The following SIDT1 variants were observed in gnomAD, a reference collection of about 807,000 sequenced individuals.
The protein encoded by SIDT1 is SID1 transmembrane family member 1, also known as SID1 transmembrane family, member 1.
Under a neutral mutation model 107.5 loss-of-function variants are expected in SIDT1, and 101 were observed. The observed-to-expected ratio is 0.94, with a 90% CI of 0.80 to 1.11. SIDT1 has a LOEUF of 1.11. SIDT1 is among the 50% of genes least tolerant of loss of function. The probability of loss-of-function intolerance (pLI) is 0.00; values close to 1 mark genes in which losing one functional copy is unlikely to be tolerated. For synonymous variants in SIDT1, 395 were observed against 398.2 expected (o/e 0.99, Z 0.10); for missense variants, 1,076 against 1,058.2 (o/e 1.02, Z -0.23).
At chr3:113,594,642 C>T (rs1307997723) in intron 10 of SIDT1, among the ~76,000 whole-genome samples, 1 of 152,058 alleles carries the variant, frequency 6.6e-6, no homozygotes, top group East Asian at 1.9e-4. Context: ...GATCATTGTC[C>T]AGGTTCAGGG....
chr3:113,536,145 T>G (rs1443117978), intron 1 of SIDT1, among the ~76,000 whole-genome samples: 1 of 152,190 alleles, frequency 6.6e-6, no homozygotes, highest in Non-Finnish European at 1.5e-5. Flanking sequence ...CAGGCGCTGG[T>G]TTGTCACTAT....
chr3:113,585,201 T>G lies in SIDT1; in HGVS notation c.932T>G (p.Leu311Arg). 1 of 1,613,666 alleles carries G rather than the reference T, an allele frequency of 6.2e-7. No homozygotes were observed. The highest frequency in any genetic ancestry group is 1.3e-5 in the African/African-American group (1 of 75,004). Residue 311 changes from leucine to arginine, a missense_variant, in exon 9 of 25, where the codon CTT (leucine) becomes CGT (arginine). Physicochemically the swap from Leu to Arg is moderately radical, Grantham distance 102 (BLOSUM62 -2). Coordinates refer to ENST00000264852, the MANE Select transcript of SIDT1 (RefSeq NM_017699.3). ...GAATCTGTTTATGTGAAATCCAGTC[T>G]TTTCAGTGTCTTCATCTTCCTGTCC... is the stretch of plus-strand genomic sequence containing the variant. ...IKESVYVKSSLFSVFIFLSFY... is the reference protein window; with the variant it reads ...IKESVYVKSSRFSVFIFLSFY...
intron 9 of SIDT1, among the ~76,000 whole-genome samples, chr3:113,585,762 G>A (rs563075401): frequency 6.6e-6 from 1 of 152,274 alleles, no homozygotes; most frequent in South Asian, 2.1e-4. Flanking sequence ...TTTTCCTTCT[G>A]TTGTAGCATC....
At chr3:113,533,927 T>C (rs1402441405) in intron 1 of SIDT1, among the ~76,000 whole-genome samples, 1 of 152,160 alleles carries the variant, frequency 6.6e-6, no homozygotes, top group Non-Finnish European at 1.5e-5. Context: ...TTGACAAAAG[T>C]TGAGGGAAGA....
chr3:113,611,182 G>C (rs1345577957), intron 18 of SIDT1, 38 bp downstream of exon 18: 1 of 1,606,930 alleles, frequency 6.2e-7, no homozygotes, highest in Non-Finnish European at 8.5e-7. Context: ...CTCTCGAAAA[G>C]TGCCCCCCTA....
chr3:113,550,715 A>C (rs999676568), intron 1 of SIDT1, among the ~76,000 whole-genome samples: 10 of 152,100 alleles, frequency 6.6e-5, no homozygotes, highest in African/African-American at 2.4e-4. Flanking sequence ...CCTTTAAAAA[A>C]ATTTTTTTAA....
intron 10 of SIDT1, among the ~76,000 whole-genome samples, chr3:113,595,754 G>A (rs1944502307): frequency 6.6e-6 from 1 of 152,112 alleles, no homozygotes; most frequent in Non-Finnish European, 1.5e-5. Context: ...TCTTGAAATA[G>A]GAAGAAAATA....
chr3:113,625,556 ATC>A (rs1946795361), intron 23 of SIDT1, among the ~76,000 whole-genome samples: 1 of 152,182 alleles, frequency 6.6e-6, no homozygotes, highest in Non-Finnish European at 1.5e-5. Context: ...CCTCGCCAGC[ATC>A]TGTTATTGCC....
rs1193266595 is a variant in SIDT1 at position 113,608,152 on chromosome 3, C to T, written c.1537C>T (p.Leu513=). 6.2e-7 allele frequency: 1 copy of T among 1,612,820 alleles called. No individual in the cohort carries two copies. The highest frequency in any genetic ancestry group is 2.2e-5 in the East Asian group (1 of 44,866). ...CGTGCTTCTGGGCTTCCTCTTCCTG[C>T]TGATAGTCTTGCGCCGCGACATCCT... ...GHVLLGFLFL[L]IVLRRDILHR... Residue 513 remains leucine (L), a synonymous_variant, in exon 16 of 25, where the codon CTG becomes TTG. Coordinates refer to ENST00000264852, the MANE Select transcript of SIDT1 (RefSeq NM_017699.3).
At chr3:113,607,679 C>A (rs1290766389) in intron 15 of SIDT1, among the ~76,000 whole-genome samples, 1 of 152,230 alleles carries the variant, frequency 6.6e-6, no homozygotes, top group Non-Finnish European at 1.5e-5. Context: ...CTATGATTGG[C>A]TGACACTTAC....
chr3:113,591,272 T>C (rs1013614836), intron 9 of SIDT1, among the ~76,000 whole-genome samples: 4 of 152,226 alleles, frequency 2.6e-5, no homozygotes, highest in Non-Finnish European at 5.9e-5. Context: ...CTCCCAGAAC[T>C]GTAAGATAAT....
intron 1 of SIDT1, among the ~76,000 whole-genome samples, chr3:113,547,107 T>C (rs1215990412): frequency 6.6e-6 from 1 of 152,156 alleles, no homozygotes; most frequent in Non-Finnish European, 1.5e-5. Context: ...GAAGAGCTGA[T>C]TTTGAATGTT....
chr3:113,608,949 C>T (rs1284036734), intron 17 of SIDT1, among the ~76,000 whole-genome samples: 1 of 151,920 alleles, frequency 6.6e-6, no homozygotes, highest in East Asian at 1.9e-4. Context: ...GAGGAGGCGG[C>T]AAGCTGGGTT....
At chr3:113,538,117 A>G (rs1938399651) in intron 1 of SIDT1, among the ~76,000 whole-genome samples, 1 of 152,184 alleles carries the variant, frequency 6.6e-6, no homozygotes, top group Non-Finnish European at 1.5e-5. Context: ...CAATCCCTCC[A>G]TGAACACTCC....
rs193298396 is a variant in SIDT1, at chr3:113,590,775, C to T, written c.1002-2230C>T. ...TAACAAATTAAATGTAAGACTTGTA[C>T]ATTGAAAACTGCAAAACATCATTGA... On this transcript the variant is annotated intron_variant, in intron 9 of 24. Coordinates refer to ENST00000264852, the MANE Select transcript of SIDT1 (RefSeq NM_017699.3). 7.9e-5 allele frequency among the ~76,000 whole-genome samples: 12 copies of T among 152,234 alleles called. No homozygotes were observed. In the East Asian group the frequency reaches 2.3e-3, roughly 29 times the overall value.
intron 3 of SIDT1, among the ~76,000 whole-genome samples, chr3:113,569,886 T>C (rs2107399101): frequency 6.6e-6 from 1 of 152,290 alleles, no homozygotes; most frequent in Admixed American, 6.5e-5. Flanking sequence ...AAATGATTTC[T>C]AAATATGGTG....
At chr3:113,552,311 A>T (rs572466194) in intron 1 of SIDT1, among the ~76,000 whole-genome samples, 1 of 152,256 alleles carries the variant, frequency 6.6e-6, no homozygotes, top group African/African-American at 2.4e-5. Flanking sequence ...GCATTGGAGG[A>T]TAAGGAGGGA....
intron 10 of SIDT1, among the ~76,000 whole-genome samples, chr3:113,596,681 C>T (rs1212118834): frequency 6.6e-6 from 1 of 152,138 alleles, no homozygotes; most frequent in Non-Finnish European, 1.5e-5. Context: ...CTGGCTTTAT[C>T]AGAGAGAAAC....
chr3:113,562,176 A>T (rs994968508), intron 1 of SIDT1, among the ~76,000 whole-genome samples: 10 of 152,144 alleles, frequency 6.6e-5, no homozygotes, highest in Admixed American at 3.9e-4. Flanking sequence ...ACCCACTAGG[A>T]TGGCTATATT....
Sources: gnomAD v4.1 joint callset for allele counts (sites outside exome capture counted in the v4.1 genomes callset) on GRCh38, gnomAD v4.1.1 for gene constraint, MANE v1.5 for transcripts, NCBI Gene and HGNC (gene_info 2026-07-23, HGNC 2026-07-21) for gene names.